The following CFAP36 variants were observed in gnomAD, a reference collection of about 807,000 sequenced individuals.
CFAP36 encodes cilia- and flagella-associated protein 36.
A neutral mutation model predicts 50.5 loss-of-function variants in CFAP36; 37 were observed. The ratio of observed to expected loss-of-function variants is 0.73; its 90% confidence interval spans 0.56 to 0.96. The LOEUF (loss-of-function observed/expected upper bound fraction) is 0.96, where lower values mean the gene tolerates loss of function less well. Among genes scored for constraint, CFAP36 ranks in the 50% least tolerant of loss-of-function variants. The pLI is 0.00. For synonymous variants in CFAP36, 138 were observed against 128.2 expected (o/e 1.08, Z -0.52); for missense variants, 407 against 396.2 (o/e 1.03, Z -0.23).
At position 55,533,898 on chromosome 2, in the gene CFAP36, T is replaced by C; in HGVS notation, c.423T>C (p.Asp141=). The part of the protein sequence containing the change: ...RNGVLPDCLT[D]GSDVVSDLEH... ...GTGTATTACCTGACTGCTTAACCGA[T>C]GGCTCTGATGTGGTCAGTGACCTTG... Residue 141 remains aspartate, a synonymous_variant, in exon 5 of 10, where the codon GAT becomes GAC. Transcript: ENST00000349456. 1.2e-6 allele frequency: 2 copies of C among 1,611,058 alleles called. No homozygotes were observed. Among genetic ancestry groups the C allele is most frequent in the Non-Finnish European group, 8.5e-7 (1 of 1,178,260 alleles).
chr2:55,543,130 G>T (rs560095996), intron 7 of CFAP36, among the ~76,000 whole-genome samples: 1 of 151,740 alleles, frequency 6.6e-6, no homozygotes, highest in Middle Eastern at 3.4e-3. Flanking sequence ...AGACATGTGT[G>T]CCATGTTTTC....
In CFAP36 at chr2:55,519,775, T is replaced by C. The variant is rs1427307275; in HGVS notation, c.-27T>C. On this transcript the variant is annotated 5_prime_UTR_variant, in exon 1 of 10. Transcript: ENST00000349456. Reference sequence around the variant, plus strand: ...GGGGTCCGGCGGTCTGGCCTAGGGATCTTCCCCGTTGCCCCTTTGGGGCGG... The same window carrying C: ...GGGGTCCGGCGGTCTGGCCTAGGGACCTTCCCCGTTGCCCCTTTGGGGCGG... The C allele has an allele frequency of 3.1e-6, 5 of 1,612,586 alleles. No homozygotes were observed. The highest frequency in any genetic ancestry group is 1.3e-5 in the African/African-American group (1 of 74,928).
intron 3 of CFAP36, among the ~76,000 whole-genome samples, chr2:55,526,035 G>A (rs1025706622): frequency 5.3e-5 from 8 of 152,122 alleles, no homozygotes; most frequent in African/African-American, 1.7e-4. Flanking sequence ...TTCATAATGC[G>A]GAGAAATCCT....
At position 55,537,482 on chromosome 2, in the gene CFAP36, G is replaced by C. The variant is rs1454403471; in HGVS notation, c.538-1G>C. The C allele has an allele frequency of 6.3e-7, 1 of 1,598,436 alleles. No homozygotes were observed. The highest frequency in any genetic ancestry group is 8.5e-7 in the Non-Finnish European group (1 of 1,172,928). ...AAAAATTGTATTATGGAATCCTGAAGTTATCAGAGGCTAAAACAGAAGAGC... is the reference window on the plus strand; with the variant it reads ...AAAAATTGTATTATGGAATCCTGAACTTATCAGAGGCTAAAACAGAAGAGC... On this transcript the variant is annotated splice_acceptor_variant, in intron 6 of 9. Coordinates refer to ENST00000349456, the MANE Select transcript of CFAP36 (RefSeq NM_080667.7). LOFTEE classifies it high-confidence loss of function.
At chr2:55,532,281 G>A (rs948701753) in intron 4 of CFAP36, among the ~76,000 whole-genome samples, 1 of 152,062 alleles carries the variant, frequency 6.6e-6, no homozygotes, top group East Asian at 1.9e-4. Flanking sequence ...TTAGATTAAT[G>A]TTGATTATAC....
chr2:55,520,040 G>C (rs1684016804), intron 1 of CFAP36, 124 bp downstream of exon 1: 2 of 834,846 alleles, frequency 2.4e-6, no homozygotes, highest in Admixed American at 4.6e-5. Flanking sequence ...CTGTCGCAAG[G>C]TCTCGTTCCC....
At chr2:55,522,879 C>T (rs377636791) in intron 2 of CFAP36, among the ~76,000 whole-genome samples, 93 of 151,796 alleles carry the variant, frequency 6.1e-4, no homozygotes, top group African/African-American at 1.8e-3. Context: ...TGGATTGCTT[C>T]AGCCAAGGAG....
At chr2:55,539,016 C>T (rs1371711871) in intron 7 of CFAP36, 3 of 1,066,202 alleles carry the variant, frequency 2.8e-6, no homozygotes, top group Non-Finnish European at 3.7e-6. Context: ...CAGAGATTTC[C>T]CCCATATAGT....
intron 7 of CFAP36, among the ~76,000 whole-genome samples, chr2:55,538,095 C>A (rs1684539686): frequency 6.6e-6 from 1 of 152,108 alleles, no homozygotes; most frequent in Non-Finnish European, 1.5e-5. Flanking sequence ...TAGTGGATGA[C>A]CTTTTCAACA....
intron 7 of CFAP36, among the ~76,000 whole-genome samples, chr2:55,543,434 A>C (rs1023860880): frequency 1.3e-5 from 2 of 152,212 alleles, no homozygotes; most frequent in African/African-American, 2.4e-5. Flanking sequence ...AGTTATCTTC[A>C]ATACATAATT....
At chr2:55,542,342 A>G (rs970828756) in intron 7 of CFAP36, among the ~76,000 whole-genome samples, 2 of 152,240 alleles carry the variant, frequency 1.3e-5, no homozygotes, top group South Asian at 2.1e-4. Context: ...TCAAATGCGC[A>G]TATCTGATAT....
chr2:55,520,301 TGAGAG>T, intron 1 of CFAP36: 1 of 1,027,768 alleles, frequency 9.7e-7, no homozygotes, highest in Non-Finnish European at 1.4e-6. Flanking sequence ...TTGCCAGACT[TGAGAG>T]GAGAAGCGTC....
chr2:55,538,651 A>G, intron 7 of CFAP36: 1 of 773,292 alleles, frequency 1.3e-6, no homozygotes, highest in Non-Finnish European at 2.1e-6. Flanking sequence ...TGTGTTGCCC[A>G]GGCTGGGTCT....
intron 6 of CFAP36, among the ~76,000 whole-genome samples, chr2:55,537,024 T>G (rs1558913305): frequency 6.6e-6 from 1 of 151,992 alleles, no homozygotes; most frequent in Admixed American, 6.5e-5. Flanking sequence ...ATTACAGACA[T>G]GAGCCACTGT....
At chr2:55,539,202 G>A in intron 7 of CFAP36, 1 of 161,200 alleles carries the variant, frequency 6.2e-6, no homozygotes. Flanking sequence ...ATGATGACAT[G>A]CATTCACCAT....
At chr2:55,533,578 C>T (rs2103652865) in intron 4 of CFAP36, among the ~76,000 whole-genome samples, 1 of 151,924 alleles carries the variant, frequency 6.6e-6, no homozygotes, top group South Asian at 2.1e-4. Context: ...AGCTGTAATC[C>T]CAGCTACTCT....
At chr2:55,519,991 C>A in intron 1 of CFAP36, 75 bp downstream of exon 1, 2 of 1,354,990 alleles carry the variant, frequency 1.5e-6, no homozygotes, top group Non-Finnish European at 2.1e-6. Flanking sequence ...TTGGTAACCA[C>A]AAGCCATCTC....
At chr2:55,525,331 C>G (rs1488310536) in intron 3 of CFAP36, among the ~76,000 whole-genome samples, 1 of 152,044 alleles carries the variant, frequency 6.6e-6, no homozygotes, top group African/African-American at 2.4e-5. Context: ...TGGTGGTGTT[C>G]TCCCCAGAGT....
At chr2:55,527,526 G>A (rs960688883) in intron 3 of CFAP36, among the ~76,000 whole-genome samples, 7 of 152,072 alleles carry the variant, frequency 4.6e-5, no homozygotes, top group African/African-American at 1.7e-4. Context: ...AGGTTGCGGT[G>A]AGCTGAGATC....
Sources: gnomAD v4.1 joint callset for allele counts (sites outside exome capture counted in the v4.1 genomes callset) on GRCh38, gnomAD v4.1.1 for gene constraint, MANE v1.5 for transcripts, NCBI Gene and HGNC (gene_info 2026-07-23, HGNC 2026-07-21) for gene names.